The following DPF3 variants were observed in gnomAD, a reference collection of about 807,000 sequenced individuals.
DPF3 encodes the protein double PHD fingers 3, also known as zinc finger protein DPF3.
Under a neutral mutation model 56.8 loss-of-function variants are expected in DPF3, and 18 were observed. The ratio of observed to expected loss-of-function variants is 0.32; its 90% CI spans 0.22 to 0.47. DPF3 has a LOEUF of 0.47. Ranked by LOEUF, DPF3 falls within the 20% of genes least tolerant of loss-of-function variation. DPF3 has a pLI of 1.00. For synonymous variants in DPF3, 188 were observed against 180.2 expected (o/e 1.04, Z -0.35); for missense variants, 403 against 488.8 (o/e 0.82, Z 1.65).
intron 8 of DPF3, chr14:72,662,802 A>G: frequency 1.0e-6 from 1 of 986,440 alleles, no homozygotes; most frequent in African/African-American, 1.7e-5. Flanking sequence ...GCTTGCTTGA[A>G]GGATGCTGGA....
At chr14:72,861,984 T>C (rs1322535992) in intron 1 of DPF3, among the ~76,000 whole-genome samples, 2 of 152,190 alleles carry the variant, frequency 1.3e-5, no homozygotes, top group Admixed American at 6.5e-5. Context: ...GACTGTAAGC[T>C]CTAAGAAGGC....
intron 4 of DPF3, among the ~76,000 whole-genome samples, chr14:72,725,817 G>T (rs1021757187): frequency 6.6e-6 from 1 of 152,148 alleles, no homozygotes; most frequent in Non-Finnish European, 1.5e-5. Context: ...TGGCTAGAAT[G>T]TTCTGCTCTA....
chr14:72,647,064 A>G (rs530111894), intron 8 of DPF3, among the ~76,000 whole-genome samples: 1 of 152,314 alleles, frequency 6.6e-6, no homozygotes, highest in East Asian at 1.9e-4. Context: ...AAGTCTTCCC[A>G]CCACTCTCAT....
intron 6 of DPF3, among the ~76,000 whole-genome samples, chr14:72,703,768 G>T (rs1339026593): frequency 6.6e-6 from 1 of 152,150 alleles, no homozygotes; most frequent in Non-Finnish European, 1.5e-5. Flanking sequence ...ACAATGCTCA[G>T]CCCAGTGCCT....
intron 1 of DPF3, among the ~76,000 whole-genome samples, chr14:72,861,062 C>T (rs1318915074): frequency 7.1e-6 from 1 of 141,772 alleles, no homozygotes; most frequent in African/African-American, 2.9e-5. Flanking sequence ...CACACACACA[C>T]ACACACAGAC....
intron 8 of DPF3, among the ~76,000 whole-genome samples, chr14:72,636,427 C>T (rs1360049530): frequency 6.6e-6 from 1 of 152,130 alleles, no homozygotes; most frequent in Non-Finnish European, 1.5e-5. Flanking sequence ...TTCATTCTCT[C>T]ACTCCTCTCT....
chr14:72,746,923 C>G (rs575345459), intron 3 of DPF3, among the ~76,000 whole-genome samples: 4 of 152,236 alleles, frequency 2.6e-5, no homozygotes, highest in Non-Finnish European at 5.9e-5. Flanking sequence ...GGCCCGACAA[C>G]GGGGCATGGC....
intron 1 of DPF3, among the ~76,000 whole-genome samples, chr14:72,822,453 C>T (rs1473923526): frequency 1.3e-5 from 2 of 151,978 alleles, no homozygotes; most frequent in East Asian, 3.9e-4. Context: ...GAACAGGGCA[C>T]TTGGAATGCT....
intron 8 of DPF3, among the ~76,000 whole-genome samples, chr14:72,663,184 ATT>A (rs1886297149): frequency 4.7e-5 from 7 of 150,350 alleles, no homozygotes; most frequent in Admixed American, 6.6e-5. Context: ...AAAAAAAAAA[ATT>A]CCCCTCCACT....
chr14:72,754,704 T>G (rs562555099), intron 2 of DPF3, among the ~76,000 whole-genome samples: 25 of 152,348 alleles, frequency 1.6e-4, no homozygotes, highest in Middle Eastern at 3.4e-3. Context: ...TTTTCACCTT[T>G]GCAGAGAAAA....
At chr14:72,820,625 A>T (rs1347023493) in intron 1 of DPF3, among the ~76,000 whole-genome samples, 2 of 152,226 alleles carry the variant, frequency 1.3e-5, no homozygotes. Context: ...AACAATTTTC[A>T]GATTATTTGA....
chr14:72,850,676 G>A (rs753275767), intron 1 of DPF3, among the ~76,000 whole-genome samples: 1 of 152,010 alleles, frequency 6.6e-6, no homozygotes, highest in African/African-American at 2.4e-5. Context: ...TTCTCCTCAC[G>A]TCACCCCAAG....
intron 5 of DPF3, among the ~76,000 whole-genome samples, chr14:72,719,118 G>A (rs1228832921): frequency 1.5e-5 from 2 of 137,512 alleles, no homozygotes; most frequent in African/African-American, 2.7e-5. Flanking sequence ...CACTAGGGCT[G>A]GAGTGCAGTA....
chr14:72,821,421 C>A (rs1883537206), intron 1 of DPF3, among the ~76,000 whole-genome samples: 1 of 152,018 alleles, frequency 6.6e-6, no homozygotes. Flanking sequence ...CATTCTCCAC[C>A]AACAAAAGGG....
intron 8 of DPF3, among the ~76,000 whole-genome samples, chr14:72,654,487 C>G (rs145884829): frequency 6.6e-6 from 1 of 152,200 alleles, no homozygotes; most frequent in Non-Finnish European, 1.5e-5. Context: ...TCTTTCACCT[C>G]CTCCAGAACA....
intron 1 of DPF3, among the ~76,000 whole-genome samples, chr14:72,889,599 C>A (rs759283): frequency 0.44 from 67,291 of 152,008 alleles, 16,102 homozygotes; most frequent in East Asian, 0.6. Context: ...GACCCCCACC[C>A]CTTCCCCTCT....
chr14:72,724,380 C>T (rs1184195351), intron 4 of DPF3, among the ~76,000 whole-genome samples: 5 of 152,054 alleles, frequency 3.3e-5, no homozygotes, highest in Non-Finnish European at 7.4e-5. Flanking sequence ...CAGGTGAATA[C>T]GCTGAGGCTG....
At chr14:72,675,432 T>A (rs972108685) in intron 7 of DPF3, 1 of 152,252 alleles carries the variant, frequency 6.6e-6, no homozygotes, top group African/African-American at 2.4e-5. Flanking sequence ...ACCACCCAAG[T>A]ATCTTCCTCC....
rs1432519469 is a variant in DPF3, at chr14:72,731,823, C to T, written c.413G>A (p.Ser138Asn). Residue 138 changes from serine (S) to asparagine (N), a missense_variant, in exon 4 of 11, where the codon AGC becomes AAC. By Grantham distance (46) the Ser-to-Asn change is conservative (BLOSUM62 1). Around this residue, in one of 2 missense-constraint regions of DPF3, gnomAD observed 340 missense variants for 374.3 expected, o/e 0.91. Coordinates refer to ENST00000556509, the MANE Select transcript of DPF3 (RefSeq NM_001280542.3). ...TGGGAATACCTGTATTTCCTGGATG[C>T]TTTCCTCCTCCCTGGCATCCACCTT... Reference protein sequence around the residue: ...EKKVDAREEESIQEIQRVLEN... With the variant: ...EKKVDAREEENIQEIQRVLEN... 2.5e-6 allele frequency: 4 copies of T among 1,613,506 alleles called. No individual in the cohort carries two copies. Among genetic ancestry groups the T allele is most frequent in the East Asian group, 2.2e-5 (1 of 44,876 alleles).
Sources: allele counts gnomAD v4.1 joint callset (sites outside exome capture counted in the v4.1 genomes callset), GRCh38; gene constraint gnomAD v4.1.1; regional missense constraint gnomAD v4.1.1; transcripts MANE v1.5; gene names NCBI Gene and HGNC (gene_info 2026-07-23, HGNC 2026-07-21).